CPT1A: variants seen among roughly 807,000 people sequenced by gnomAD.
CPT1A encodes carnitine palmitoyltransferase 1A.
In CPT1A, 64 loss-of-function variants were observed where a neutral mutation model predicts 100.8. The ratio of observed to expected loss-of-function variants is 0.63; its 90% CI spans 0.52 to 0.78. The LOEUF (loss-of-function observed/expected upper bound fraction) is 0.78. Ranked by LOEUF, CPT1A falls within the 30% of genes least tolerant of loss-of-function variation. CPT1A has a pLI of 0.00. For missense variants in CPT1A, 802 were observed against 1,034.1 expected (o/e 0.78, Z 3.08); for synonymous variants, 363 against 396.0 (o/e 0.92, Z 0.99).
chr11:68,814,431 C>T (rs1004226958), intron 2 of CPT1A, among the ~76,000 whole-genome samples: 8 of 151,736 alleles, frequency 5.3e-5, no homozygotes, highest in African/African-American at 1.2e-4. Context: ...CTCAGCCTCC[C>T]GAGTAGCTGG....
intron 16 of CPT1A, among the ~76,000 whole-genome samples, chr11:68,760,802 C>G (rs1169164683): frequency 6.6e-6 from 1 of 152,174 alleles, no homozygotes; most frequent in Non-Finnish European, 1.5e-5. Context: ...TGCCTGAGCT[C>G]AGGAGTTCGA....
At chr11:68,843,453 C>T (rs1041256668), upstream of CPT1A, among the ~76,000 whole-genome samples, 2 of 151,606 alleles carry the variant, frequency 1.3e-5, no homozygotes, top group Non-Finnish European at 2.9e-5. This position sits in a 1 kb window ranked among gnomAD's most constrained non-coding sequence, Gnocchi z 4.0. Flanking sequence ...TAGGATAGAT[C>T]CCTGGAGGGG....
At chr11:68,762,907 C>T in intron 14 of CPT1A, 146 bp from the exon 15 acceptor site, 1 of 935,340 alleles carries the variant, frequency 1.1e-6, no homozygotes. Context: ...CCCAGGCTGG[C>T]ATGCAGTAGC....
At chr11:68,758,195 G>A (rs1414078552) in intron 18 of CPT1A, among the ~76,000 whole-genome samples, 3 of 151,328 alleles carry the variant, frequency 2.0e-5, no homozygotes, top group Non-Finnish European at 4.4e-5. Flanking sequence ...CTGAGCCCAG[G>A]AGGCTGAAGC....
chr11:68,775,546 G>T, intron 12 of CPT1A, 114 bp from the exon 13 acceptor site: 1 of 801,352 alleles, frequency 1.2e-6, no homozygotes, highest in Non-Finnish European at 2.1e-6. Context: ...TTGAATCACA[G>T]CTGTTAAGGC....
intron 3 of CPT1A, among the ~76,000 whole-genome samples, chr11:68,808,910 A>G (rs939072908): frequency 2.0e-5 from 3 of 151,182 alleles, no homozygotes; most frequent in African/African-American, 7.3e-5. Flanking sequence ...GTTCGAGACC[A>G]GCCTGGACAA....
chr11:68,805,808 A>G (rs1459432275), intron 4 of CPT1A, among the ~76,000 whole-genome samples: 3 of 152,150 alleles, frequency 2.0e-5, no homozygotes, highest in Admixed American at 6.5e-5. Flanking sequence ...GTTTCTTTAC[A>G]CACATCTGGC....
At chr11:68,786,135 G>A (rs926621471) in intron 9 of CPT1A, 3 of 694,128 alleles carry the variant, frequency 4.3e-6, no homozygotes, top group Middle Eastern at 2.4e-4. Flanking sequence ...GCCAAGGAGG[G>A]AGGATTGCTT....
chr11:68,804,877 T>G (rs1221574172), intron 4 of CPT1A, among the ~76,000 whole-genome samples: 2 of 152,206 alleles, frequency 1.3e-5, no homozygotes, highest in Non-Finnish European at 2.9e-5. Flanking sequence ...GACACATCTG[T>G]GGCCCTTGGT....
chr11:68,837,653 G>C (rs572659845), intron 1 of CPT1A, among the ~76,000 whole-genome samples: 1 of 152,246 alleles, frequency 6.6e-6, no homozygotes, highest in East Asian at 1.9e-4. Flanking sequence ...CCCCTCGTCA[G>C]GCGGTTATGG....
intron 9 of CPT1A, among the ~76,000 whole-genome samples, chr11:68,785,419 G>A (rs1376882737): frequency 6.6e-6 from 1 of 151,808 alleles, no homozygotes; most frequent in South Asian, 2.1e-4. Context: ...AAATTAGCCA[G>A]GTGTGGTGAC....
chr11:68,787,010 G>A (rs534064076), intron 9 of CPT1A, among the ~76,000 whole-genome samples: 2 of 152,296 alleles, frequency 1.3e-5, no homozygotes, highest in East Asian at 3.9e-4. Flanking sequence ...TCAGGATGCT[G>A]GCCGGGCAAT....
At chr11:68,844,267 C>G (rs930401284), upstream of CPT1A, 1 of 152,228 alleles carries the variant, frequency 6.6e-6, no homozygotes, top group Non-Finnish European at 1.5e-5. Context: ...CTGCCCGGGT[C>G]TGCGGCTCCC....
chr11:68,792,683 C>T (rs1179978693), intron 9 of CPT1A, among the ~76,000 whole-genome samples: 3 of 152,220 alleles, frequency 2.0e-5, no homozygotes, highest in East Asian at 1.9e-4. Context: ...TTTCCGAGCA[C>T]GACCCAGTGT....
chr11:68,808,043 G>A (rs921457074), intron 3 of CPT1A, among the ~76,000 whole-genome samples: 3 of 152,252 alleles, frequency 2.0e-5, no homozygotes, highest in African/African-American at 7.2e-5. Flanking sequence ...CCTGGCCACC[G>A]TGAGAGCCAT....
chr11:68,768,005 C>T (rs969138985), intron 14 of CPT1A, among the ~76,000 whole-genome samples: 2 of 149,328 alleles, frequency 1.3e-5, no homozygotes, highest in Non-Finnish European at 3.0e-5. Context: ...CATCTTTAAC[C>T]TTGGCAAAAT....
intron 1 of CPT1A, among the ~76,000 whole-genome samples, chr11:68,828,464 AGC>A (rs1856795735): frequency 6.6e-6 from 1 of 151,906 alleles, no homozygotes; most frequent in Non-Finnish European, 1.5e-5. Context: ...TCCCCTCCCC[AGC>A]ACCTTTCATC....
At chr11:68,795,772 T>C (rs1284207220) in intron 7 of CPT1A, among the ~76,000 whole-genome samples, 1 of 151,564 alleles carries the variant, frequency 6.6e-6, no homozygotes, top group African/African-American at 2.4e-5. Context: ...TAGCCGGGCG[T>C]TGTGGCAGGT....
chr11:68,843,699 T>G (rs965479740), upstream of CPT1A, among the ~76,000 whole-genome samples: 4 of 152,244 alleles, frequency 2.6e-5, no homozygotes, highest in Non-Finnish European at 4.4e-5. This position sits in a 1 kb window ranked among gnomAD's most constrained non-coding sequence, Gnocchi z 4.0. Context: ...CTGCTTGCGC[T>G]TGTCTGGACC....
Sources: gnomAD v4.1 joint callset for allele counts (sites outside exome capture counted in the v4.1 genomes callset) on GRCh38, gnomAD v4.1.1 for gene constraint, Gnocchi (gnomAD v3.1) non-coding constraint, MANE v1.5 for transcripts, NCBI Gene and HGNC (gene_info 2026-07-23, HGNC 2026-07-21) for gene names.